Variants in TRA2B observed in about 807,000 individuals in gnomAD.
The protein encoded by TRA2B is transformer-2 protein homolog beta.
TRA2B carries 14 observed loss-of-function variants against 41.7 expected under a neutral mutation model. The ratio of observed to expected loss-of-function variants is 0.34; its 90% CI spans 0.22 to 0.53. The LOEUF (loss-of-function observed/expected upper bound fraction) is 0.53. Among genes scored for constraint, TRA2B ranks in the 20% least tolerant of loss-of-function variants. The pLI is 0.95. For synonymous variants in TRA2B, 130 were observed against 128.8 expected, an observed-to-expected ratio of 1.01 and a Z score of -0.06; for missense variants, 167 against 396.8, an observed-to-expected ratio of 0.42 and a Z score of 4.92.
At chr3:185,936,713 G>C (rs1343372360) in intron 1 of TRA2B, 1 of 935,528 alleles carries the variant, frequency 1.1e-6, no homozygotes, top group Non-Finnish European at 1.3e-6. Flanking sequence ...TATTCCCACA[G>C]CCTCAAAAAT....
In TRA2B at chr3:185,917,735, AAAG is replaced by A. The variant is rs757458855; in HGVS notation, c.857-13_857-11del. 1.9e-6 allele frequency: 3 copies of A among 1,612,374 alleles called. No homozygotes were observed. The highest frequency in any genetic ancestry group is 2.2e-5 in the South Asian group (2 of 91,000). On this transcript the variant is annotated splice_polypyrimidine_tract_variant and intron_variant, in intron 8 of 8. Coordinates refer to ENST00000453386, the MANE Select transcript of TRA2B (RefSeq NM_004593.3). ...ATGCTTTAATAGCGACCTGGGAAGA[AAAG>A]AATGAACATGCTTTAATATTAAGTG...
intron 1 of TRA2B, chr3:185,937,108 T>C (rs889648074): frequency 3.0e-6 from 3 of 985,312 alleles, no homozygotes; most frequent in Admixed American, 6.2e-5. Context: ...AGAATACTGA[T>C]ACAGATTTTT....
chr3:185,924,518 A>C (rs1743869010), intron 3 of TRA2B: 2 of 152,690 alleles, frequency 1.3e-5, no homozygotes, highest in Admixed American at 6.5e-5. Flanking sequence ...CAATCGTAAG[A>C]AACAAGAGTT....
At chr3:185,921,844 A>C (rs1237931730) in intron 5 of TRA2B, among the ~76,000 whole-genome samples, 167 bp downstream of exon 5, 1 of 152,224 alleles carries the variant, frequency 6.6e-6, no homozygotes, top group African/African-American at 2.4e-5. Flanking sequence ...TTTTACCTGT[A>C]ATGGTTGAAC....
chr3:185,936,555 G>C, intron 1 of TRA2B: 1 of 985,262 alleles, frequency 1.0e-6, no homozygotes, highest in Non-Finnish European at 1.2e-6. Context: ...AATACTCTGA[G>C]GAATCATATA....
At chr3:185,920,850 AAC>A (rs1262582767) in intron 6 of TRA2B, among the ~76,000 whole-genome samples, 5 of 152,214 alleles carry the variant, frequency 3.3e-5, no homozygotes, top group South Asian at 4.1e-4. Context: ...TTAAAAATAA[AAC>A]ACATTTTATT....
chr3:185,931,332 G>T (rs914843184), intron 1 of TRA2B, among the ~76,000 whole-genome samples: 2 of 152,150 alleles, frequency 1.3e-5, no homozygotes, highest in African/African-American at 4.8e-5. Context: ...TATCTAGAGA[G>T]GACAACATGA....
At chr3:185,936,943 G>A (rs190427505) in intron 1 of TRA2B, 1 of 985,374 alleles carries the variant, frequency 1.0e-6, no homozygotes, top group African/African-American at 1.7e-5. Context: ...AAAGAAAACT[G>A]TAGCCAACAC....
chr3:185,931,649 C>T (rs1011755658), intron 1 of TRA2B: 7 of 1,280,348 alleles, frequency 5.5e-6, no homozygotes, highest in South Asian at 5.2e-5. Flanking sequence ...TTCATTCTTC[C>T]GTTTCAAATT....
At position 185,917,592 on chromosome 3, in the gene TRA2B, A is replaced by C; in HGVS notation, c.*123T>G. On this transcript the variant is annotated 3_prime_UTR_variant, in exon 9 of 9. Coordinates refer to ENST00000453386, the MANE Select transcript of TRA2B (RefSeq NM_004593.3). Reference sequence around the variant, plus strand: ...CAACTCCACCAAAAGTAGTCATCGTAAAAGGTGTAAAAGTCACCTAACTTC... The same window carrying C: ...CAACTCCACCAAAAGTAGTCATCGTCAAAGGTGTAAAAGTCACCTAACTTC... The C allele has an allele frequency of 1.1e-6, 1 of 936,856 alleles. No homozygotes were observed. The highest frequency in any genetic ancestry group is 1.6e-6 in the Non-Finnish European group (1 of 617,806). 58.0% of individuals were successfully genotyped at this position (936,856 alleles called of 1,614,324 possible).
chr3:185,925,255 T>G (rs1276453632), intron 3 of TRA2B: 1 of 513,114 alleles, frequency 1.9e-6, no homozygotes, highest in Non-Finnish European at 3.4e-6. Flanking sequence ...TACACCATTG[T>G]GTCAGTATTA....
intron 1 of TRA2B, chr3:185,934,752 GA>G: frequency 1.0e-6 from 1 of 985,414 alleles, no homozygotes; most frequent in Non-Finnish European, 1.2e-6. Context: ...AGATTCAGCA[GA>G]AGATGAGAAA....
In TRA2B at chr3:185,919,481, TCCTCCA is replaced by T. The variant is rs1401475412; in HGVS notation, c.732_737del (p.Gly248_Gly249del). ...CTTGGGCAGCTCTCCATCCTCCTCC[TCCTCCA>T]CCTCCTCCTCTGTGAAGACAGAAAG... is the stretch of plus-strand genomic sequence containing the variant. On this transcript the variant is annotated inframe_deletion, in exon 7 of 9. Transcript: ENST00000453386. The T allele has an allele frequency of 6.2e-7, 1 of 1,613,060 alleles. No individual in the cohort carries two copies.
intron 1 of TRA2B, among the ~76,000 whole-genome samples, chr3:185,934,222 AAAT>A (rs1560015730): frequency 6.6e-6 from 1 of 152,182 alleles, no homozygotes. Flanking sequence ...GATCAACATA[AAAT>A]GCTAAGGCTC....
intron 1 of TRA2B, chr3:185,935,247 C>T (rs202039400): frequency 1.3e-5 from 13 of 985,236 alleles, no homozygotes; most frequent in African/African-American, 1.7e-5. Flanking sequence ...GAGATGAAAA[C>T]GAGATCTTAC....
rs1744382513 is a variant in TRA2B, at chr3:185,936,902, T to C, written c.36+923A>G. The C allele has an allele frequency of 6.1e-6, 6 of 985,230 alleles. No homozygotes were observed. In the African/African-American group the frequency reaches 7.0e-5, roughly 11 times the overall value. The allele number at this position is 985,230 out of a possible 1,614,324, so 61.0% of individuals were successfully genotyped here. The stretch of plus-strand genomic sequence containing the variant: ...TTCCCGCAATTCAATCAACCCTCAC[T>C]GAACACCTTTAAGAGGTGGAAACTT... On this transcript the variant is annotated intron_variant, in intron 1 of 8. Coordinates refer to ENST00000453386, the MANE Select transcript of TRA2B (RefSeq NM_004593.3).
chr3:185,935,844 T>G, intron 1 of TRA2B: 1 of 985,382 alleles, frequency 1.0e-6, no homozygotes, highest in Non-Finnish European at 1.2e-6. Flanking sequence ...ATGGAAGTAT[T>G]TCACAACGTA....
intron 7 of TRA2B, among the ~76,000 whole-genome samples, chr3:185,919,128 T>C (rs1578471475): frequency 6.6e-6 from 1 of 152,212 alleles, no homozygotes; most frequent in Non-Finnish European, 1.5e-5. Context: ...TTGAGATGCT[T>C]ACTTTTAAAA....
At chr3:185,931,289 C>A (rs1209193357) in intron 1 of TRA2B, among the ~76,000 whole-genome samples, 2 of 152,076 alleles carry the variant, frequency 1.3e-5, no homozygotes, top group African/African-American at 2.4e-5. Flanking sequence ...TTCGCTCATG[C>A]CCCAGGACCA....
Sources: gnomAD v4.1 joint callset for allele counts (sites outside exome capture counted in the v4.1 genomes callset) on GRCh38, gnomAD v4.1.1 for gene constraint, MANE v1.5 for transcripts, NCBI Gene and HGNC (gene_info 2026-07-23, HGNC 2026-07-21) for gene names.